FAM178B: variants seen among roughly 807,000 people sequenced by gnomAD.
The protein encoded by FAM178B is protein FAM178B.
FAM178B carries 82 observed loss-of-function variants against 91.7 expected under a neutral mutation model. That is an observed-to-expected ratio of 0.89 (90% CI 0.75 to 1.07). FAM178B has a LOEUF of 1.07. FAM178B is among the 50% of genes least tolerant of loss of function. The pLI, the probability that FAM178B is intolerant of heterozygous loss-of-function variation, is 0.00. For missense variants in FAM178B, 769 were observed against 846.7 expected (o/e 0.91, Z 1.14); for synonymous variants, 368 against 359.4 (o/e 1.02, Z -0.27).
chr2:96,980,372 G>A (rs6757916), intron 1 of FAM178B, among the ~76,000 whole-genome samples: 118,968 of 151,638 alleles, frequency 0.78, 48,100 homozygotes, highest in Non-Finnish European at 0.88. Context: ...CACTGTGTCC[G>A]GTCTCCTTAT....
intron 9 of FAM178B, among the ~76,000 whole-genome samples, chr2:96,928,099 C>T (rs568149503): frequency 2.4e-4 from 37 of 152,214 alleles, no homozygotes; most frequent in East Asian, 1.4e-3. Flanking sequence ...TAAACACAGT[C>T]GTGGAACAGG....
At position 96,951,395 on chromosome 2, in the gene FAM178B, A is replaced by T. The variant is rs1406365783; in HGVS notation, c.977T>A (p.Leu326His). Residue 326 changes from leucine to histidine, a missense_variant, in exon 7 of 17, where the codon CTC becomes CAC. Physicochemically the swap from Leu to His is moderately conservative, Grantham distance 99. Transcript: ENST00000490605. ...LHMPDCPVSL[L>H]QWLFQLLTWP... ...GGTCCTCACCTGGAACAGCCACTGG[A>T]GCAGGGATACCGGGCAGTCAGGCAT... The T allele has an allele frequency of 2.6e-6, 4 of 1,551,204 alleles. No individual in the cohort carries two copies. The highest frequency in any genetic ancestry group is 3.5e-6 in the Non-Finnish European group (4 of 1,146,640).
chr2:96,880,288 G>A (rs895068951), intron 14 of FAM178B, among the ~76,000 whole-genome samples: 2 of 152,134 alleles, frequency 1.3e-5, no homozygotes, highest in Admixed American at 6.5e-5. Flanking sequence ...GACAGACCCT[G>A]AGGGCGGTTC....
intron 9 of FAM178B, among the ~76,000 whole-genome samples, chr2:96,925,698 T>C (rs926268715): frequency 2.0e-5 from 3 of 152,140 alleles, no homozygotes; most frequent in Admixed American, 6.5e-5. Context: ...GGCCAGCACC[T>C]AGGAACTGGG....
At chr2:96,977,943 GGGC>G in intron 1 of FAM178B, 1 of 444,644 alleles carries the variant, frequency 2.2e-6, no homozygotes, top group South Asian at 1.6e-5. Flanking sequence ...CTGGAGGGTG[GGGC>G]GGGCGGGGGA....
intron 16 of FAM178B, among the ~76,000 whole-genome samples, chr2:96,877,565 G>C (rs1372944276): frequency 6.6e-6 from 1 of 152,184 alleles, no homozygotes; most frequent in African/African-American, 2.4e-5. Flanking sequence ...ACCGCGCCCG[G>C]CTAATTTTTT....
chr2:96,974,548 G>A lies in FAM178B; in HGVS notation c.74-1942C>T, dbSNP rs1027502186. On this transcript the variant is annotated intron_variant, in intron 1 of 16. Coordinates refer to ENST00000490605, the MANE Select transcript of FAM178B (RefSeq NM_001122646.3). ...ATCAGTAATTAGTTCAAATATAAAC[G>A]GATTAAATTCTCCAATCAAAAGACA... Among the ~76,000 whole-genome samples, 4 of 151,860 alleles carry A rather than the reference G, an allele frequency of 2.6e-5. 1 individual carries two copies. In the South Asian group the frequency reaches 6.2e-4, roughly 24 times the overall value.
chr2:96,929,271 T>A lies in FAM178B; in HGVS notation c.1128A>T (p.Ala376=). 1 of 1,551,622 alleles carries A rather than the reference T, an allele frequency of 6.4e-7. No individual in the cohort carries two copies. Among genetic ancestry groups the A allele is most frequent in the South Asian group, 1.2e-5 (1 of 84,052 alleles). ...GACTGTGGGCACCCAGGCTGTGGAA[T>A]GCCTCCCTGACTTCTTGCAGTGAGG... ...WCPSLQEVRE[A]FHSLGAHSPA... Residue 376 remains alanine (A), a synonymous_variant, in exon 9 of 17, where the codon GCA becomes GCT. Transcript: ENST00000490605.
At chr2:96,903,535 G>C (rs2080975584) in intron 12 of FAM178B, among the ~76,000 whole-genome samples, 2 of 152,246 alleles carry the variant, frequency 1.3e-5, no homozygotes, top group South Asian at 4.1e-4. Context: ...CCCAGTCACT[G>C]AGAGGTGGCC....
intron 9 of FAM178B, among the ~76,000 whole-genome samples, chr2:96,924,124 TG>T (rs1184680748): frequency 6.6e-6 from 1 of 152,134 alleles, no homozygotes; most frequent in Non-Finnish European, 1.5e-5. Context: ...GGGGGCTCCT[TG>T]GGGACTGGCT....
intron 12 of FAM178B, among the ~76,000 whole-genome samples, chr2:96,912,338 C>A (rs1404035048): frequency 2.6e-5 from 4 of 151,996 alleles, no homozygotes; most frequent in Non-Finnish European, 5.9e-5. Context: ...GGAAAGAGTG[C>A]CCCAGTCCTG....
intron 12 of FAM178B, among the ~76,000 whole-genome samples, chr2:96,907,533 C>A (rs1014300277): frequency 6.6e-6 from 1 of 152,234 alleles, no homozygotes; most frequent in African/African-American, 2.4e-5. Flanking sequence ...CTGGCGTGCA[C>A]CAGCCAGGCC....
In FAM178B at chr2:96,878,429, G is replaced by T. The variant is rs1170741647; in HGVS notation, c.1841C>A (p.Thr614Asn). 1 of 1,613,858 alleles carries T rather than the reference G, an allele frequency of 6.2e-7. No individual in the cohort carries two copies. The highest frequency in any genetic ancestry group is 8.5e-7 in the Non-Finnish European group (1 of 1,179,998). Reference protein sequence around the residue: ...AGVVVSCQDITPDQWGELQLL... With the variant: ...AGVVVSCQDINPDQWGELQLL... ...TGGGAGACTCACCCACTGGTCTGGAGTGATGTCCTGGCAGCTAACAACTAC... is the reference window on the plus strand; with the variant it reads ...TGGGAGACTCACCCACTGGTCTGGATTGATGTCCTGGCAGCTAACAACTAC... The change falls in exon 15 of 17, where the codon ACT becomes AAT. Residue 614 changes from threonine (T) to asparagine (N), a missense_variant. Thr to Asn is a moderately conservative substitution (Grantham distance 65). Transcript: ENST00000490605.
chr2:96,884,201 G>A (rs1208075876), intron 14 of FAM178B, among the ~76,000 whole-genome samples: 4 of 152,108 alleles, frequency 2.6e-5, no homozygotes, highest in African/African-American at 7.2e-5. Context: ...TGGAAGCTGC[G>A]GCATGGGGAG....
intron 10 of FAM178B, 112 bp from the exon 11 acceptor site, chr2:96,921,766 C>A: frequency 8.9e-7 from 1 of 1,119,898 alleles, no homozygotes; most frequent in Non-Finnish European, 1.3e-6. Flanking sequence ...CTGTGAGCCC[C>A]GCGGCCATGT....
At chr2:96,900,696 T>C (rs1192730417) in intron 13 of FAM178B, among the ~76,000 whole-genome samples, 1 of 151,940 alleles carries the variant, frequency 6.6e-6, no homozygotes, top group Non-Finnish European at 1.5e-5. Flanking sequence ...GAAGCTCCAG[T>C]TCTACTAAGG....
chr2:96,964,186 A>G (rs2082116324), intron 5 of FAM178B, among the ~76,000 whole-genome samples: 1 of 145,346 alleles, frequency 6.9e-6, no homozygotes, highest in South Asian at 2.1e-4. Context: ...AAAATAAAAT[A>G]AAAGAGAGAG....
intron 7 of FAM178B, among the ~76,000 whole-genome samples, chr2:96,948,949 C>G (rs900952918): frequency 3.9e-5 from 6 of 152,200 alleles, no homozygotes; most frequent in Admixed American, 1.3e-4. Context: ...CAAGCACGCC[C>G]CCCCCAGTAA....
At position 96,921,482 on chromosome 2, in the gene FAM178B, C is replaced by T. The variant is rs1048427139; in HGVS notation, c.1460G>A (p.Gly487Glu). ...CAGGCTCTGGGCGTCTAGTACCTTC[C>T]CTGGCCACTCCCGGATGTTCTCCAG... is the stretch of plus-strand genomic sequence containing the variant. ...LLLENIREWP[G>E]KLQELCCTLS... is the part of the protein sequence containing the mutation. Residue 487 changes from glycine to glutamate, a missense_variant, in exon 11 of 17, where the codon GGG (glycine) becomes GAG (glutamate). Gly to Glu is a moderately conservative substitution (Grantham distance 98, BLOSUM62 -2). Coordinates refer to ENST00000490605, the MANE Select transcript of FAM178B (RefSeq NM_001122646.3). 1.3e-6 allele frequency: 2 copies of T among 1,551,660 alleles called. No individual in the cohort carries two copies. The highest frequency in any genetic ancestry group is 1.4e-5 in the African/African-American group (1 of 73,172).
Sources: allele counts gnomAD v4.1 joint callset (sites outside exome capture counted in the v4.1 genomes callset), GRCh38; gene constraint gnomAD v4.1.1; transcripts MANE v1.5; gene names NCBI Gene and HGNC (gene_info 2026-07-23, HGNC 2026-07-21).